RP1: variants seen among roughly 807,000 people sequenced by gnomAD.
RP1 encodes oxygen-regulated protein 1.
RP1 carries 16 observed loss-of-function variants against 14.8 expected under a neutral mutation model. The observed-to-expected ratio is 1.08, with a 90% CI of 0.73 to 1.65. RP1 has a LOEUF of 1.65. Among genes scored for constraint, RP1 ranks in the 40% most tolerant of loss-of-function variants. RP1 has a pLI of 0.00. For synonymous variants in RP1, 876 were observed against 883.6 expected, an observed-to-expected ratio of 0.99 and a Z score of 0.15; for missense variants, 2,631 against 2,535.0, an observed-to-expected ratio of 1.04 and a Z score of -0.81.
At chr8:54,687,598 A>G (rs1563347877) in intron 12 of RP1, among the ~76,000 whole-genome samples, 1 of 152,172 alleles carries the variant, frequency 6.6e-6, no homozygotes, top group South Asian at 2.1e-4. Context: ...GCTGAGAATG[A>G]TGGTTTCCAG....
At chr8:54,831,861 G>C (rs1400064180) in intron 24 of RP1, among the ~76,000 whole-genome samples, 2 of 150,744 alleles carry the variant, frequency 1.3e-5, no homozygotes, top group Non-Finnish European at 3.0e-5. Context: ...AATTTTCTTA[G>C]CTTTTTTTAA....
At chr8:54,571,863 T>C (rs911508877) in intron 1 of RP1, among the ~76,000 whole-genome samples, 1 of 152,128 alleles carries the variant, frequency 6.6e-6, no homozygotes, top group Admixed American at 6.5e-5. Flanking sequence ...AAGGTGTCTA[T>C]ATCCAAATTT....
chr8:54,598,065 C>A (rs767434322), intron 1 of RP1, among the ~76,000 whole-genome samples: 2 of 152,076 alleles, frequency 1.3e-5, no homozygotes, highest in Non-Finnish European at 2.9e-5. Flanking sequence ...TTCTCAATCT[C>A]TGTAATTATG....
At chr8:54,674,527 G>GA (rs377598146) in intron 8 of RP1, among the ~76,000 whole-genome samples, 29,346 of 136,646 alleles carry the variant, frequency 0.21, 3,581 homozygotes, top group East Asian at 0.42. Context: ...AAAAAAAAAG[G>GA]AAAAAAAAAC....
At chr8:54,863,044 G>GAGATATATAT (rs766616305) in intron 27 of RP1, among the ~76,000 whole-genome samples, 3 of 101,848 alleles carry the variant, frequency 2.9e-5, no homozygotes, top group South Asian at 3.8e-4. Flanking sequence ...ATTCCAAATG[G>GAGATATATAT]ATATATATAT....
chr8:54,846,030 C>T (rs765118400), intron 25 of RP1, among the ~76,000 whole-genome samples: 9 of 152,170 alleles, frequency 5.9e-5, no homozygotes, highest in Non-Finnish European at 1.0e-4. Context: ...GCCAGCTTTG[C>T]GAAGGGCTGC....
intron 7 of RP1, among the ~76,000 whole-genome samples, chr8:54,667,276 A>G (rs752352964): frequency 1.4e-4 from 21 of 152,112 alleles, no homozygotes; most frequent in Non-Finnish European, 2.4e-4. Context: ...GCACAGCACA[A>G]CAGGATAACT....
At chr8:54,744,371 T>C (rs1260292367) in intron 19 of RP1, among the ~76,000 whole-genome samples, 1 of 152,160 alleles carries the variant, frequency 6.6e-6, no homozygotes, top group Admixed American at 6.5e-5. Context: ...GAGTGCACAG[T>C]GGGGACATGA....
At chr8:54,745,975 C>G (rs1361901196) in intron 19 of RP1, among the ~76,000 whole-genome samples, 1 of 152,146 alleles carries the variant, frequency 6.6e-6, no homozygotes, top group Non-Finnish European at 1.5e-5. Context: ...AAAGAAAATA[C>G]TATTTCCAAA....
intron 24 of RP1, among the ~76,000 whole-genome samples, chr8:54,797,873 C>T (rs1437913799): frequency 4.5e-5 from 5 of 112,296 alleles, no homozygotes; most frequent in African/African-American, 1.1e-4. Context: ...GTTTCCCAAC[C>T]TTTTTTTTTT....
intron 3 of RP1, among the ~76,000 whole-genome samples, chr8:54,637,935 A>G (rs1289684988): frequency 6.6e-6 from 1 of 152,090 alleles, no homozygotes; most frequent in East Asian, 1.9e-4. Context: ...TCTTGAAGGC[A>G]TTCCTTGGGG....
chr8:54,650,050 T>C (rs1423657208), intron 4 of RP1, among the ~76,000 whole-genome samples: 1 of 152,254 alleles, frequency 6.6e-6, no homozygotes, highest in Non-Finnish European at 1.5e-5. Flanking sequence ...TTTTACTATT[T>C]TAGTGTTTCA....
At position 54,580,296 on chromosome 8, in the gene RP1, A is replaced by G. The variant is rs117242885; in HGVS notation, c.-13+20976A>G. 1.3e-3 allele frequency among the ~76,000 whole-genome samples: 184 copies of G among 138,754 alleles called. 3 individuals carry two copies. The East Asian group carries it at 0.037, about 28-fold the overall frequency. 91.0% of individuals were successfully genotyped at this position (138,754 alleles called of 152,430 possible). On this transcript the variant is annotated intron_variant, in intron 1 of 22. Coordinates refer to the RP1 transcript ENST00000636932. The stretch of plus-strand genomic sequence containing the variant: ...CAGTGGGAAGCTAAATGTATCGTAG[A>G]CTTCTTTTTTTTTTTTTTTTTTTTT...
At chr8:54,830,128 T>G (rs1563389390) in intron 24 of RP1, among the ~76,000 whole-genome samples, 2 of 152,162 alleles carry the variant, frequency 1.3e-5, no homozygotes, top group East Asian at 3.8e-4. Flanking sequence ...GAGAAGATGT[T>G]AAAATCGCCA....
At chr8:54,680,529 C>A (rs528676361) in intron 12 of RP1, among the ~76,000 whole-genome samples, 7 of 152,294 alleles carry the variant, frequency 4.6e-5, no homozygotes, top group African/African-American at 1.7e-4. Context: ...TTTAACTGTA[C>A]TTTACTATGC....
chr8:54,604,122 C>A (rs951783650), intron 1 of RP1, among the ~76,000 whole-genome samples: 6 of 152,160 alleles, frequency 3.9e-5, no homozygotes, highest in African/African-American at 1.4e-4. Flanking sequence ...TGCCAGTTTT[C>A]AGAGGGTATG....
chr8:54,623,841 G>A (rs993516766), intron 3 of RP1, among the ~76,000 whole-genome samples: 4 of 152,116 alleles, frequency 2.6e-5, no homozygotes, highest in Non-Finnish European at 4.4e-5. Context: ...ATGTGTAGGT[G>A]GGAAGATGAA....
intron 1 of RP1, among the ~76,000 whole-genome samples, chr8:54,603,834 CTGTT>C (rs1170647712): frequency 6.6e-6 from 1 of 152,102 alleles, no homozygotes; most frequent in Non-Finnish European, 1.5e-5. Flanking sequence ...ATTTGGCTCT[CTGTT>C]TGTCTGTTAT....
intron 24 of RP1, among the ~76,000 whole-genome samples, chr8:54,835,163 T>C (rs1410276693): frequency 1.3e-5 from 2 of 152,180 alleles, no homozygotes; most frequent in Non-Finnish European, 2.9e-5. Flanking sequence ...AAAACAGTTA[T>C]ATGCAAGAAA....
Sources: gnomAD v4.1 joint callset for allele counts (sites outside exome capture counted in the v4.1 genomes callset) on GRCh38, gnomAD v4.1.1 for gene constraint, MANE v1.5 for transcripts, NCBI Gene and HGNC (gene_info 2026-07-23, HGNC 2026-07-21) for gene names.